RTKN2: variants seen among roughly 807,000 people sequenced by gnomAD.
RTKN2 encodes the protein rhotekin-2.
Under a neutral mutation model 71.5 loss-of-function variants are expected in RTKN2, and 69 were observed. The observed-to-expected ratio is 0.96, with a 90% CI of 0.79 to 1.18. The LOEUF is 1.18. Among genes scored for constraint, RTKN2 ranks in the 50% most tolerant of loss-of-function variants. The pLI is 0.00. For missense variants in RTKN2, 724 were observed against 719.7 expected (o/e 1.01, Z -0.07); for synonymous variants, 236 against 236.5 (o/e 1.00, Z 0.02).
intron 3 of RTKN2, among the ~76,000 whole-genome samples, chr10:62,241,679 A>G (rs1842377865): frequency 6.6e-6 from 1 of 152,096 alleles, no homozygotes. Flanking sequence ...CTAGGGCTCA[A>G]GCAAACCTCC....
chr10:62,257,729 A>G (rs1842700681), intron 2 of RTKN2, among the ~76,000 whole-genome samples: 1 of 152,204 alleles, frequency 6.6e-6, no homozygotes, highest in Non-Finnish European at 1.5e-5. Context: ...GAAATAAACC[A>G]TCTTTTAAGT....
At position 62,193,627 on chromosome 10, in the gene RTKN2, C is replaced by G. The variant is rs894073857; in HGVS notation, c.*4281G>C. On this transcript the variant is annotated 3_prime_UTR_variant, in exon 12 of 12. Coordinates refer to ENST00000373789, the MANE Select transcript of RTKN2 (RefSeq NM_145307.4). ...GGATTGCTCATTTCTCTCCCCCACT[C>G]TGAGGCGCTCTGCAGGAATAAAGTA... The G allele has an allele frequency of 1.1e-4, 105 of 985,220 alleles. No homozygotes were observed. Among genetic ancestry groups the G allele is most frequent in the Non-Finnish European group, 1.1e-4 (92 of 829,906 alleles). 61.0% of individuals were successfully genotyped at this position (985,220 alleles called of 1,614,324 possible).
intron 5 of RTKN2, among the ~76,000 whole-genome samples, chr10:62,237,700 C>T (rs1168775687): frequency 6.6e-6 from 1 of 151,628 alleles, no homozygotes; most frequent in Non-Finnish European, 1.5e-5. Flanking sequence ...GTCCCCTGAC[C>T]CTCCCCCACT....
intron 1 of RTKN2, among the ~76,000 whole-genome samples, chr10:62,266,276 A>G (rs1224001745): frequency 6.6e-6 from 1 of 152,224 alleles, no homozygotes; most frequent in East Asian, 1.9e-4. Context: ...AAGGAAGTGC[A>G]AAGAAAATGG....
rs960267466 is a variant in RTKN2, at chr10:62,196,800, A to C, written c.*1108T>G. ...TGTTCTGCTCTTGTTTACAAAAAGC[A>C]TTATTATAAAAAATGGATTTTTTGT... On this transcript the variant is annotated 3_prime_UTR_variant, in exon 12 of 12. Transcript: ENST00000373789. The C allele has an allele frequency of 3.1e-6, 3 of 976,238 alleles. No homozygotes were observed. In the African/African-American group the frequency reaches 5.3e-5, roughly 17 times the overall value. The allele number at this position is 976,238 out of a possible 1,614,324, so 60.5% of individuals were successfully genotyped here.
In RTKN2 at chr10:62,198,495, A is replaced by G. The variant is rs536304439; in HGVS notation, c.1295-52T>C. On this transcript the variant is annotated intron_variant, in intron 11 of 11. Transcript: ENST00000373789. The stretch of plus-strand genomic sequence containing the variant: ...ATGAAAAAATTCAAAAGCAGTATGT[A>G]CTTTATCTAAATAAGTTCTTTTCCA... 625 of 1,256,752 alleles carry G rather than the reference A, an allele frequency of 5.0e-4. 1 individual carries two copies. The highest frequency in any genetic ancestry group is 5.8e-4 in the Non-Finnish European group (537 of 929,420). 77.9% of individuals were successfully genotyped at this position (1,256,752 alleles called of 1,614,324 possible).
downstream of RTKN2, among the ~76,000 whole-genome samples, chr10:62,190,607 G>T (rs760541272): frequency 1.3e-5 from 2 of 152,110 alleles, no homozygotes; most frequent in Non-Finnish European, 2.9e-5. Flanking sequence ...CATCCCAGTT[G>T]TTAACTAGCC....
rs367605349 is a variant in RTKN2 at position 62,198,410 on chromosome 10, G to A, written c.1328C>T (p.Thr443Met). The A allele has an allele frequency of 6.0e-5, 94 of 1,554,148 alleles. No homozygotes were observed. Among genetic ancestry groups the A allele is most frequent in the Non-Finnish European group, 7.5e-5 (86 of 1,151,852 alleles). ...TTCAATTTTTTTTTGTATTATATCC[G>A]TTAAACTTTCAAGTTTCATAGGTGA... Reference protein sequence around the residue: ...IDSPMKLESLTDIIQKKIEET... With the variant: ...IDSPMKLESLMDIIQKKIEET... Residue 443 changes from threonine to methionine, a missense_variant, in exon 12 of 12, where the codon ACG (threonine) becomes ATG (methionine). Physicochemically the swap from Thr to Met is moderately conservative, Grantham distance 81. Coordinates refer to ENST00000373789, the MANE Select transcript of RTKN2 (RefSeq NM_145307.4).
chr10:62,212,607 G>A (rs553791363), intron 9 of RTKN2, among the ~76,000 whole-genome samples: 1 of 152,136 alleles, frequency 6.6e-6, no homozygotes, highest in African/African-American at 2.4e-5. Context: ...GGAGGTTAAG[G>A]TGGGAGGATC....
intron 10 of RTKN2, among the ~76,000 whole-genome samples, chr10:62,203,121 T>C (rs113378240): frequency 0.021 from 3,248 of 151,802 alleles, 115 homozygotes; most frequent in African/African-American, 0.072. Flanking sequence ...GATTGCGCCA[T>C]TGCACTCCAG....
intron 5 of RTKN2, chr10:62,238,787 T>C (rs2132991582): frequency 6.6e-6 from 1 of 152,108 alleles, no homozygotes; most frequent in African/African-American, 2.4e-5. Context: ...TTTTTAATGT[T>C]ATGTGAGTGG....
intron 6 of RTKN2, among the ~76,000 whole-genome samples, chr10:62,235,686 G>GTA (rs33989188): frequency 0.71 from 106,941 of 151,006 alleles, 38,119 homozygotes; most frequent in East Asian, 0.89. Context: ...GTGTGTGTGT[G>GTA]TGTATACATG....
chr10:62,256,058 G>A (rs1412865788), intron 2 of RTKN2, among the ~76,000 whole-genome samples: 4 of 147,690 alleles, frequency 2.7e-5, no homozygotes, highest in Non-Finnish European at 4.4e-5. Flanking sequence ...TTACTCTGAC[G>A]CCCAGGCTGG....
intron 8 of RTKN2, among the ~76,000 whole-genome samples, chr10:62,217,939 T>C (rs1841811622): frequency 6.6e-6 from 1 of 152,158 alleles, no homozygotes; most frequent in Non-Finnish European, 1.5e-5. Context: ...CTGATTATCC[T>C]GTTGCTGCTA....
chr10:62,233,222 T>G (rs1336725686), intron 6 of RTKN2, among the ~76,000 whole-genome samples: 1 of 152,152 alleles, frequency 6.6e-6, no homozygotes, highest in Non-Finnish European at 1.5e-5. Context: ...AATAGGAGCT[T>G]TGCTACTTAA....
intron 9 of RTKN2, among the ~76,000 whole-genome samples, chr10:62,206,009 C>T (rs1841541598): frequency 6.6e-6 from 1 of 152,118 alleles, no homozygotes; most frequent in East Asian, 1.9e-4. Flanking sequence ...CTAAAAACCA[C>T]AATAAGTAAA....
chr10:62,184,615 C>T (rs1453446293), intron 8 of RTKN2, among the ~76,000 whole-genome samples: 1 of 152,144 alleles, frequency 6.6e-6, no homozygotes, highest in African/African-American at 2.4e-5. Flanking sequence ...CAAACAGAGG[C>T]TGGATATTCA....
chr10:62,217,941 TTGC>T (rs961490790), intron 8 of RTKN2, among the ~76,000 whole-genome samples: 17 of 152,118 alleles, frequency 1.1e-4, no homozygotes, highest in African/African-American at 4.1e-4. Context: ...GATTATCCTG[TTGC>T]TGCTATTAAT....
rs138918057 is a variant in RTKN2 at position 62,223,262 on chromosome 10, G to C, written c.757C>G (p.His253Asp). 1.1e-4 allele frequency: 178 copies of C among 1,605,312 alleles called. 1 individual carries two copies. The East Asian group carries it at 3.6e-3, about 33-fold the overall frequency. ...LESAEDSFKT[H>D]NLSINGNEES... ...CCATTTCCATTAATAGACAGATTAT[G>C]GGTCTTGAAACTATCCTCAGCACTT... Residue 253 changes from histidine (H) to aspartate (D), a missense_variant, in exon 7 of 12, where the codon CAT (histidine) becomes GAT (aspartate). Physicochemically the swap from His to Asp is moderately conservative, Grantham distance 81. Transcript: ENST00000373789.
Sources: allele counts gnomAD v4.1 joint callset (sites outside exome capture counted in the v4.1 genomes callset), GRCh38; gene constraint gnomAD v4.1.1; transcripts MANE v1.5; gene names NCBI Gene and HGNC (gene_info 2026-07-23, HGNC 2026-07-21).